BLTP3A: variants seen among roughly 807,000 people sequenced by gnomAD.
BLTP3A encodes bridge-like lipid transfer protein family member 3A, also known as ICBP90 binding protein 1.
the BLTP3A span, chr6:34,821,702 G>C: frequency 1.9e-6 from 3 of 1,614,150 alleles, no homozygotes; most frequent in Non-Finnish European, 2.5e-6. Flanking sequence ...CACCCTGAAA[G>C]GGGAGGGTCA....
chr6:34,834,907 A>G, the BLTP3A span: 469 of 1,592,582 alleles, frequency 2.9e-4, 7 homozygotes, highest in East Asian at 9.0e-3. Flanking sequence ...CTCTTATTCT[A>G]TGAGACAGCC....
At chr6:34,834,242 G>C in the BLTP3A span, 1 of 1,613,958 alleles carries the variant, frequency 6.2e-7, no homozygotes, top group Non-Finnish European at 8.5e-7. Context: ...CGAAAAGGTG[G>C]TGGAAGGGAT....
At chr6:34,857,901 A>G in the BLTP3A span, 1 of 1,613,564 alleles carries the variant, frequency 6.2e-7, no homozygotes, top group South Asian at 1.1e-5. Context: ...ATCCGACTAG[A>G]TGCATTCTGG....
At chr6:34,820,929 G>A in the BLTP3A span, among the ~76,000 whole-genome samples, 1 of 148,216 alleles carries the variant, frequency 6.7e-6, no homozygotes, top group Non-Finnish European at 1.5e-5. Context: ...TGGGATTATA[G>A]GCGTGAGCCA....
the BLTP3A span, among the ~76,000 whole-genome samples, chr6:34,833,920 C>CAA: frequency 0.22 from 9,937 of 45,048 alleles, 1,419 homozygotes; most frequent in African/African-American, 0.29. Flanking sequence ...GACTCCGTCT[C>CAA]AAAAAAAAAA....
At chr6:34,836,265 T>C in the BLTP3A span, 1 of 1,614,136 alleles carries the variant, frequency 6.2e-7, no homozygotes, top group Non-Finnish European at 8.5e-7. Context: ...TTTGAGAAAT[T>C]TGATGTGAAA....
the BLTP3A span, among the ~76,000 whole-genome samples, chr6:34,859,847 A>G: frequency 1.3e-5 from 2 of 151,440 alleles, no homozygotes; most frequent in African/African-American, 2.4e-5. Flanking sequence ...GGGCTCTGCA[A>G]TCCTCCTGCC....
At chr6:34,801,478 G>T in the BLTP3A span, among the ~76,000 whole-genome samples, 1 of 152,044 alleles carries the variant, frequency 6.6e-6, no homozygotes, top group Non-Finnish European at 1.5e-5. Context: ...TCTCACCAAG[G>T]ACTGTTTTTG....
the BLTP3A span, among the ~76,000 whole-genome samples, chr6:34,817,808 T>G: frequency 6.6e-6 from 1 of 152,012 alleles, no homozygotes; most frequent in African/African-American, 2.4e-5. Context: ...TAAGAAGTGG[T>G]TAGGACCATG....
the BLTP3A span, chr6:34,867,734 C>T: frequency 7.5e-7 from 1 of 1,334,510 alleles, no homozygotes; most frequent in South Asian, 1.5e-5. Flanking sequence ...AAGTTCTCTC[C>T]AGCAGCCATT....
At chr6:34,820,700 T>A in the BLTP3A span, among the ~76,000 whole-genome samples, 2 of 149,796 alleles carry the variant, frequency 1.3e-5, no homozygotes, top group African/African-American at 4.9e-5. Context: ...GTTTTTATAA[T>A]GGGTCTTGCT....
chr6:34,805,021 C>T, the BLTP3A span, among the ~76,000 whole-genome samples: 2 of 152,142 alleles, frequency 1.3e-5, no homozygotes, highest in African/African-American at 2.4e-5. Flanking sequence ...AGGCCGGGCA[C>T]AGTGGCTCAC....
the BLTP3A span, among the ~76,000 whole-genome samples, chr6:34,831,931 C>T: frequency 3.9e-5 from 6 of 152,148 alleles, no homozygotes; most frequent in African/African-American, 1.4e-4. Flanking sequence ...TCTCCTGCCT[C>T]AGACTCCCAA....
the BLTP3A span, among the ~76,000 whole-genome samples, chr6:34,851,022 A>G: frequency 7.2e-5 from 11 of 151,954 alleles, no homozygotes; most frequent in Admixed American, 2.0e-4. Context: ...AATTATTTTA[A>G]TCTTTTTGTT....
chr6:34,866,610 G>A, the BLTP3A span, among the ~76,000 whole-genome samples: 3 of 151,976 alleles, frequency 2.0e-5, no homozygotes, highest in African/African-American at 4.8e-5. Context: ...CATCCTAACC[G>A]TTTTTAAGTG....
At chr6:34,838,444 T>G in the BLTP3A span, among the ~76,000 whole-genome samples, 1 of 152,050 alleles carries the variant, frequency 6.6e-6, no homozygotes, top group Non-Finnish European at 1.5e-5. Context: ...CTTGGCACAT[T>G]AAGGGTAAGA....
chr6:34,828,839 C>T, the BLTP3A span, among the ~76,000 whole-genome samples: 114 of 151,902 alleles, frequency 7.5e-4, no homozygotes, highest in African/African-American at 2.5e-3. Context: ...ACCAGCATGG[C>T]CAACATGGAG....
the BLTP3A span, chr6:34,836,013 G>C: frequency 9.9e-7 from 1 of 1,007,084 alleles, no homozygotes; most frequent in South Asian, 1.6e-5. Context: ...GGACCTAAGT[G>C]AGCTACTAGG....
chr6:34,857,899 A>G, the BLTP3A span: 1 of 1,613,630 alleles, frequency 6.2e-7, no homozygotes, highest in Non-Finnish European at 8.5e-7. Flanking sequence ...ACATCCGACT[A>G]GATGCATTCT....
Sources: gnomAD v4.1 joint callset for allele counts (sites outside exome capture counted in the v4.1 genomes callset) on GRCh38, gnomAD v4.1.1 for gene constraint, MANE v1.5 for transcripts, NCBI Gene and HGNC (gene_info 2026-07-23, HGNC 2026-07-21) for gene names.